Variants in DHX9 observed in about 807,000 individuals in gnomAD.
DHX9 encodes ATP-dependent RNA helicase A.
Under a neutral mutation model 148.7 loss-of-function variants are expected in DHX9, and 27 were observed. That is an observed-to-expected ratio of 0.18 (90% CI 0.13 to 0.25). DHX9 has a LOEUF of 0.25. Ranked by LOEUF, DHX9 falls within the 10% of genes least tolerant of loss-of-function variation. DHX9 has a pLI of 1.00. For synonymous variants in DHX9, 529 were observed against 516.6 expected (o/e 1.02, Z -0.33); for missense variants, 796 against 1,559.6 (o/e 0.51, Z 8.25).
At chr1:182,848,815 C>G (rs1261738303) in intron 3 of DHX9, among the ~76,000 whole-genome samples, 1 of 152,096 alleles carries the variant, frequency 6.6e-6, no homozygotes, top group Non-Finnish European at 1.5e-5. Context: ...AGAATGATGG[C>G]AGAAGGTGAA....
At chr1:182,854,887 C>T (rs759217515) in intron 6 of DHX9, among the ~76,000 whole-genome samples, 2 of 151,902 alleles carry the variant, frequency 1.3e-5, no homozygotes, top group African/African-American at 2.4e-5. Context: ...TTCTGGGGAG[C>T]GATGTATTTT....
In DHX9 at chr1:182,866,514, G is replaced by A; in HGVS notation, c.1403G>A (p.Ser468Asn). 6.2e-7 allele frequency: 1 copy of A among 1,614,178 alleles called. No homozygotes were observed. Among genetic ancestry groups the A allele is most frequent in the Non-Finnish European group, 8.5e-7 (1 of 1,180,028 alleles). The change falls in exon 13 of 28, where the codon AGC becomes AAC. Residue 468 changes from serine to asparagine, a missense_variant. Ser to Asn is a conservative substitution (Grantham distance 46). Coordinates refer to ENST00000367549, the MANE Select transcript of DHX9 (RefSeq NM_001357.5). ...GAAAGAGGAGAAGAGCCTGGAAAAA[G>A]CTGTGGCTACAGCGTTCGATTTGAG... ...AFERGEEPGK[S>N]CGYSVRFESI...
chr1:182,840,603 C>T (rs1314414970), intron 1 of DHX9, among the ~76,000 whole-genome samples: 2 of 152,092 alleles, frequency 1.3e-5, no homozygotes, highest in African/African-American at 4.8e-5. Flanking sequence ...CGCCCGAATT[C>T]TTGCTCTTAT....
At chr1:182,885,407 A>G (rs1356798563) in intron 27 of DHX9, among the ~76,000 whole-genome samples, 1 of 152,202 alleles carries the variant, frequency 6.6e-6, no homozygotes, top group Non-Finnish European at 1.5e-5. Flanking sequence ...TAGGTTCACT[A>G]ATTTTCAGCA....
Position 182,885,850 on chromosome 1 carries a change from A to G in DHX9, c.3461+1037A>G, listed in dbSNP as rs200336066. Among the ~76,000 whole-genome samples the G allele has an allele frequency of 1.8e-4, 27 of 152,350 alleles. No homozygotes were observed. The East Asian group carries it at 4.8e-3, about 27-fold the overall frequency. Reference sequence around the variant, plus strand: ...GAATAATTCAATAACCGTCATAGGCAGATAACAAATGAAGTATTCATGGGT... The same window carrying G: ...GAATAATTCAATAACCGTCATAGGCGGATAACAAATGAAGTATTCATGGGT... On this transcript the variant is annotated intron_variant, in intron 27 of 27. Coordinates refer to ENST00000367549, the MANE Select transcript of DHX9 (RefSeq NM_001357.5).
Position 182,887,477 on chromosome 1 carries a change from AAAG to A in DHX9, c.*44_*46del. On this transcript the variant is annotated 3_prime_UTR_variant, in exon 28 of 28. Transcript: ENST00000367549. ...TCCTGTGTGTAGACAGTAAGGAAAA[AAAG>A]GCATGCTATGTGTTACGTGTTTTTT... is the stretch of plus-strand genomic sequence containing the variant. 1 of 1,537,602 alleles carries A rather than the reference AAAG, an allele frequency of 6.5e-7. No homozygotes were observed. The highest frequency in any genetic ancestry group is 1.2e-5 in the South Asian group (1 of 85,730).
intron 14 of DHX9, 46 bp downstream of exon 14, chr1:182,867,089 C>A: frequency 8.3e-7 from 1 of 1,203,354 alleles, no homozygotes; most frequent in Non-Finnish European, 1.1e-6. Context: ...TCTGCTATTT[C>A]TAAGAGAAAT....
intron 3 of DHX9, among the ~76,000 whole-genome samples, chr1:182,845,139 C>T (rs1423952657): frequency 6.6e-6 from 1 of 152,190 alleles, no homozygotes; most frequent in Non-Finnish European, 1.5e-5. Context: ...ATCTTACAGT[C>T]TTTAATTTTA....
At chr1:182,868,520 C>CTTTT (rs59218081) in intron 14 of DHX9, among the ~76,000 whole-genome samples, 13 of 127,524 alleles carry the variant, frequency 1.0e-4, no homozygotes, top group Admixed American at 2.3e-4. Flanking sequence ...ATTTTAATTC[C>CTTTT]TTTTTTTTTT....
chr1:182,847,427 A>C (rs984117989), intron 3 of DHX9, among the ~76,000 whole-genome samples: 1 of 152,140 alleles, frequency 6.6e-6, no homozygotes, highest in Admixed American at 6.5e-5. Flanking sequence ...TCAAACTGCA[A>C]ATGCTGTCTT....
At chr1:182,877,867 A>G (rs1571319493) in intron 19 of DHX9, 154 bp from the exon 20 acceptor site, 2 of 838,464 alleles carry the variant, frequency 2.4e-6, no homozygotes, top group Non-Finnish European at 1.8e-6. Flanking sequence ...GTTTGCAGTC[A>G]GATTGCTGAT....
chr1:182,844,841 T>G (rs1667999015), intron 3 of DHX9, among the ~76,000 whole-genome samples: 1 of 152,012 alleles, frequency 6.6e-6, no homozygotes, highest in Non-Finnish European at 1.5e-5. Flanking sequence ...TTTTGTGTTT[T>G]TAGTAGAGAC....
chr1:182,859,896 G>T, intron 11 of DHX9, 97 bp from the exon 12 acceptor site: 1 of 1,225,800 alleles, frequency 8.2e-7, no homozygotes, highest in Non-Finnish European at 1.1e-6. Context: ...GAGCCACCGC[G>T]CCCAGTCTAT....
intron 4 of DHX9, 69 bp downstream of exon 4, chr1:182,852,413 T>G: frequency 2.6e-6 from 3 of 1,167,998 alleles, no homozygotes; most frequent in Non-Finnish European, 2.4e-6. Flanking sequence ...CATCTCTGTT[T>G]CTCGTTTTGG....
intron 8 of DHX9, 120 bp downstream of exon 8, chr1:182,858,360 T>C (rs1043125620): frequency 1.6e-6 from 2 of 1,232,236 alleles, no homozygotes; most frequent in African/African-American, 3.0e-5. Flanking sequence ...AAAATGGCCC[T>C]GCTAATCATC....
At chr1:182,878,829 C>G (rs1648945619) in intron 20 of DHX9, among the ~76,000 whole-genome samples, 1 of 152,176 alleles carries the variant, frequency 6.6e-6, no homozygotes, top group Admixed American at 6.5e-5. Flanking sequence ...TCTATAAGAG[C>G]CTTTCTAGTG....
Position 182,887,500 on chromosome 1 carries a change from T to C in DHX9, c.*66T>C. 7.2e-7 allele frequency: 1 copy of C among 1,390,414 alleles called. No homozygotes were observed. The highest frequency in any genetic ancestry group is 9.8e-7 in the Non-Finnish European group (1 of 1,018,266). 86.1% of individuals were successfully genotyped at this position (1,390,414 alleles called of 1,614,324 possible). The stretch of plus-strand genomic sequence containing the variant: ...AAAAAGGCATGCTATGTGTTACGTG[T>C]TTTTTCCAGTATGTTTATTTGCCAC... On this transcript the variant is annotated 3_prime_UTR_variant, in exon 28 of 28. Coordinates refer to ENST00000367549, the MANE Select transcript of DHX9 (RefSeq NM_001357.5).
At chr1:182,840,413 C>T (rs542473965) in intron 1 of DHX9, among the ~76,000 whole-genome samples, 53 of 150,598 alleles carry the variant, frequency 3.5e-4, no homozygotes, top group African/African-American at 1.3e-3. Flanking sequence ...GATTCTCCTG[C>T]CTCAGCCTCC....
At chr1:182,843,936 A>G (rs760177766) in intron 3 of DHX9, among the ~76,000 whole-genome samples, 3 of 152,100 alleles carry the variant, frequency 2.0e-5, no homozygotes, top group Non-Finnish European at 2.9e-5. Flanking sequence ...TAGCTGGACT[A>G]CAGGTGCATG....
Sources: gnomAD v4.1 joint callset for allele counts (sites outside exome capture counted in the v4.1 genomes callset) on GRCh38, gnomAD v4.1.1 for gene constraint, MANE v1.5 for transcripts, NCBI Gene and HGNC (gene_info 2026-07-23, HGNC 2026-07-21) for gene names.